The following GRK5 variants were observed in gnomAD, a reference collection of about 807,000 sequenced individuals.
The protein encoded by GRK5 is G protein-coupled receptor kinase 5, also known as g protein-coupled receptor kinase GRK5.
In GRK5, 40 loss-of-function variants were observed where a neutral mutation model predicts 78.4. The observed-to-expected ratio is 0.51, with a 90% CI of 0.40 to 0.66. The LOEUF (loss-of-function observed/expected upper bound fraction) is 0.66. GRK5 is among the 30% of genes least tolerant of loss of function. The pLI is 0.00. For synonymous variants in GRK5, 289 were observed against 296.8 expected (o/e 0.97, Z 0.27); for missense variants, 598 against 759.9 (o/e 0.79, Z 2.50).
At chr10:119,230,406 C>T (rs997574909) in intron 1 of GRK5, among the ~76,000 whole-genome samples, 3 of 152,112 alleles carry the variant, frequency 2.0e-5, no homozygotes, top group East Asian at 1.9e-4. Flanking sequence ...TACAGTTCTA[C>T]GTGGCTGGGA....
intron 1 of GRK5, among the ~76,000 whole-genome samples, chr10:119,298,532 A>G (rs1285233894): frequency 6.6e-6 from 1 of 151,960 alleles, no homozygotes; most frequent in African/African-American, 2.4e-5. Context: ...AGCATTTTCG[A>G]TAGGTTTTAT....
chr10:119,423,726 C>T (rs921714251), intron 5 of GRK5, among the ~76,000 whole-genome samples: 3 of 152,168 alleles, frequency 2.0e-5, no homozygotes, highest in Non-Finnish European at 2.9e-5. Context: ...TAAACCCCCA[C>T]CCCATCCTGC....
intron 1 of GRK5, among the ~76,000 whole-genome samples, chr10:119,255,432 A>AG (rs1239046649): frequency 2.0e-5 from 3 of 152,124 alleles, no homozygotes; most frequent in Admixed American, 2.0e-4. Flanking sequence ...CTCCCTTCTG[A>AG]GTCCCTCTGC....
At chr10:119,370,616 C>T (rs143492002) in intron 2 of GRK5, among the ~76,000 whole-genome samples, 128 of 152,338 alleles carry the variant, frequency 8.4e-4, no homozygotes, top group Middle Eastern at 3.4e-3. Context: ...TGCTGTTATC[C>T]GTGATGCCAT....
At chr10:119,327,271 C>A (rs775852291) in intron 2 of GRK5, among the ~76,000 whole-genome samples, 39 of 152,310 alleles carry the variant, frequency 2.6e-4, no homozygotes, top group Admixed American at 7.2e-4. Context: ...TGGTCCCACG[C>A]AGGACACGGC....
At chr10:119,374,348 G>A (rs1851592286) in intron 2 of GRK5, among the ~76,000 whole-genome samples, 1 of 152,216 alleles carries the variant, frequency 6.6e-6, no homozygotes, top group African/African-American at 2.4e-5. Context: ...TGGTGTCCTT[G>A]GCAACAGGCC....
chr10:119,290,599 C>T (rs2133702711), intron 1 of GRK5, among the ~76,000 whole-genome samples: 1 of 152,024 alleles, frequency 6.6e-6, no homozygotes, highest in African/African-American at 2.4e-5. Flanking sequence ...TCCCAGGTAC[C>T]CCGCAATCCA....
chr10:119,219,813 G>C (rs1387575305), intron 1 of GRK5, among the ~76,000 whole-genome samples: 1 of 152,162 alleles, frequency 6.6e-6, no homozygotes, highest in Non-Finnish European at 1.5e-5. Flanking sequence ...CCATTTCTGA[G>C]GCTCTGTGTG....
intron 1 of GRK5, among the ~76,000 whole-genome samples, chr10:119,294,085 A>G (rs1019336198): frequency 6.6e-6 from 1 of 152,102 alleles, no homozygotes; most frequent in African/African-American, 2.4e-5. Flanking sequence ...TGGTGTGAGG[A>G]GACGCATGTG....
At chr10:119,367,290 C>T (rs1851465100) in intron 2 of GRK5, among the ~76,000 whole-genome samples, 1 of 152,170 alleles carries the variant, frequency 6.6e-6, no homozygotes, top group African/African-American at 2.4e-5. Flanking sequence ...GTGCCTCTCC[C>T]CCATCTCTCA....
intron 1 of GRK5, among the ~76,000 whole-genome samples, chr10:119,307,821 A>T (rs1285689366): frequency 6.6e-6 from 1 of 152,140 alleles, no homozygotes; most frequent in Admixed American, 6.5e-5. Context: ...CTGAGGGGTA[A>T]CAACCTCATC....
At position 119,455,152 on chromosome 10, in the gene GRK5, T is replaced by A; in HGVS notation, c.*85T>A. 3 of 1,109,682 alleles carry A rather than the reference T, an allele frequency of 2.7e-6. No homozygotes were observed. Among genetic ancestry groups the A allele is most frequent in the Non-Finnish European group, 4.1e-6 (3 of 727,498 alleles). 68.7% of individuals were successfully genotyped at this position (1,109,682 alleles called of 1,614,324 possible). A position where few individuals can be genotyped will look rare whatever the true frequency, so the allele number is the denominator to read the frequency against. ...GGAAGTAGTGGAGCCCCTGCTCTGG[T>A]GGGGCTGCCAGGGGAGACCCCGGGA... On this transcript the variant is annotated 3_prime_UTR_variant, in exon 16 of 16. Coordinates refer to ENST00000392870, the MANE Select transcript of GRK5 (RefSeq NM_005308.3).
intron 12 of GRK5, among the ~76,000 whole-genome samples, chr10:119,444,958 C>T (rs760245184): frequency 1.6e-4 from 25 of 152,222 alleles, no homozygotes; most frequent in Non-Finnish European, 3.2e-4. Context: ...GGGTCTGGCT[C>T]GGCTCCTCAC....
At chr10:119,439,256 G>T (rs1490680584) in intron 9 of GRK5, among the ~76,000 whole-genome samples, 1 of 152,236 alleles carries the variant, frequency 6.6e-6, no homozygotes, top group Non-Finnish European at 1.5e-5. Context: ...AGCTGGTGTT[G>T]GGGGATATGC....
At chr10:119,392,062 A>T (rs1348085877) in intron 3 of GRK5, among the ~76,000 whole-genome samples, 2 of 152,238 alleles carry the variant, frequency 1.3e-5, no homozygotes, top group Non-Finnish European at 2.9e-5. Context: ...TCTTAAAAGC[A>T]TCTGAAGGAA....
intron 1 of GRK5, among the ~76,000 whole-genome samples, chr10:119,325,205 C>A (rs1274288485): frequency 2.0e-5 from 3 of 152,218 alleles, no homozygotes; most frequent in Admixed American, 1.3e-4. Flanking sequence ...TAAACACATG[C>A]TACCTTGTTT....
intron 1 of GRK5, among the ~76,000 whole-genome samples, chr10:119,269,192 A>C (rs1849548105): frequency 1.3e-5 from 2 of 152,316 alleles, no homozygotes; most frequent in South Asian, 4.1e-4. Context: ...TTTTCACAGG[A>C]AGTTTGATGA....
chr10:119,237,688 A>G (rs545033587), intron 1 of GRK5, among the ~76,000 whole-genome samples: 364 of 147,194 alleles, frequency 2.5e-3, no homozygotes, highest in Non-Finnish European at 3.7e-3. Context: ...GGAGCCGGAG[A>G]GGGGGAGGGA....
intron 9 of GRK5, 50 bp downstream of exon 9, chr10:119,436,891 G>A (rs1256028478): frequency 6.6e-7 from 1 of 1,506,024 alleles, no homozygotes; most frequent in South Asian, 1.3e-5. Context: ...AGGGGGTGGG[G>A]CCAGCCCCTC....
Sources: allele counts gnomAD v4.1 joint callset (sites outside exome capture counted in the v4.1 genomes callset), GRCh38; gene constraint gnomAD v4.1.1; transcripts MANE v1.5; gene names NCBI Gene and HGNC (gene_info 2026-07-23, HGNC 2026-07-21).